Variants in UBAP2 observed in about 807,000 individuals in gnomAD.
The protein encoded by UBAP2 is ubiquitin associated protein 2, also known as ubiquitin-associated protein 2.
UBAP2 carries 75 observed loss-of-function variants against 139.6 expected under a neutral mutation model. The ratio of observed to expected loss-of-function variants is 0.54; its 90% confidence interval spans 0.45 to 0.65. The LOEUF is 0.65. UBAP2 is among the 30% of genes least tolerant of loss of function. The probability of loss-of-function intolerance (pLI) is 0.00; values close to 1 mark genes in which losing one functional copy is unlikely to be tolerated. For synonymous variants in UBAP2, 526 were observed against 526.2 expected (o/e 1.00, Z 0.01); for missense variants, 1,368 against 1,369.6 (o/e 1.00, Z 0.02).
chr9:33,976,323 T>C (rs1828342029), intron 6 of UBAP2, among the ~76,000 whole-genome samples: 1 of 152,240 alleles, frequency 6.6e-6, no homozygotes, highest in South Asian at 2.1e-4. Flanking sequence ...AGGAATGAAG[T>C]ACTGATACAT....
chr9:33,924,162 C>G, intron 23 of UBAP2, 44 bp downstream of exon 23: 1 of 1,609,542 alleles, frequency 6.2e-7, no homozygotes, highest in Non-Finnish European at 8.5e-7. Context: ...GGAGTTCGCG[C>G]TAGGCCGGCC....
At chr9:33,940,806 T>C (rs1002699786) in intron 16 of UBAP2, among the ~76,000 whole-genome samples, 2 of 152,280 alleles carry the variant, frequency 1.3e-5, no homozygotes, top group Non-Finnish European at 2.9e-5. Flanking sequence ...ATCCACAGAA[T>C]TGCTCACACT....
At chr9:33,958,879 T>C (rs1285649652) in intron 10 of UBAP2, among the ~76,000 whole-genome samples, 4 of 151,668 alleles carry the variant, frequency 2.6e-5, no homozygotes, top group Admixed American at 2.0e-4. Context: ...CCGGGCGCAG[T>C]GGCTCATGCC....
At chr9:33,926,490 G>T in intron 22 of UBAP2, 127 bp downstream of exon 22, 1 of 1,003,000 alleles carries the variant, frequency 1.0e-6, no homozygotes, top group Non-Finnish European at 1.6e-6. Context: ...TTTCTCAGTA[G>T]TGGTGCTGAG....
At chr9:34,007,881 T>C (rs943770277) in intron 2 of UBAP2, among the ~76,000 whole-genome samples, 20 of 152,208 alleles carry the variant, frequency 1.3e-4, no homozygotes, top group African/African-American at 4.8e-4. Context: ...GACCTCATGA[T>C]CTGCCCGCCT....
At chr9:34,015,467 C>A (rs1052168862) in intron 2 of UBAP2, among the ~76,000 whole-genome samples, 3 of 147,378 alleles carry the variant, frequency 2.0e-5, no homozygotes, top group Non-Finnish European at 4.5e-5. Context: ...TTACAGGCAC[C>A]CACTACCATG....
At chr9:34,003,830 G>C (rs1822943137) in intron 2 of UBAP2, among the ~76,000 whole-genome samples, 1 of 152,068 alleles carries the variant, frequency 6.6e-6, no homozygotes, top group African/African-American at 2.4e-5. Flanking sequence ...AGCAATTCTA[G>C]TGTCTCAGCC....
At chr9:33,986,889 C>T (rs376296845) in intron 5 of UBAP2, 52 bp from the exon 6 acceptor site, 45 of 1,488,818 alleles carry the variant, frequency 3.0e-5, no homozygotes, top group Non-Finnish European at 4.1e-5. Context: ...ACCTCTTGTA[C>T]ATAACCTTAT....
At chr9:34,048,485 G>A (rs947063564) in intron 1 of UBAP2, among the ~76,000 whole-genome samples, 1 of 152,220 alleles carries the variant, frequency 6.6e-6, no homozygotes, top group Non-Finnish European at 1.5e-5. Context: ...TCTACTGGCA[G>A]GCACCGAGGT....
At chr9:34,037,133 G>A (rs1182217566) in intron 1 of UBAP2, among the ~76,000 whole-genome samples, 5 of 151,924 alleles carry the variant, frequency 3.3e-5, no homozygotes, top group Admixed American at 6.6e-5. Context: ...AGATTACAGA[G>A]GCGTGCCACC....
intron 12 of UBAP2, chr9:33,952,809 C>A (rs904225053): frequency 3.6e-4 from 56 of 154,726 alleles, no homozygotes; most frequent in Non-Finnish European, 6.3e-4. Context: ...ATGGAATCAT[C>A]AGATATGTGC....
chr9:34,007,305 T>C (rs1435241112), intron 2 of UBAP2, among the ~76,000 whole-genome samples: 3 of 151,936 alleles, frequency 2.0e-5, no homozygotes, highest in Admixed American at 2.0e-4. Flanking sequence ...ACCAGCCCTG[T>C]GGGTAACTTG....
intron 1 of UBAP2, among the ~76,000 whole-genome samples, chr9:34,045,211 C>T (rs1827466488): frequency 6.7e-6 from 1 of 149,820 alleles, no homozygotes; most frequent in African/African-American, 2.5e-5. Context: ...CCGGGCGTGG[C>T]GGCAGGCGCC....
chr9:33,968,224 T>C (rs1445558767), intron 8 of UBAP2: 9 of 620,086 alleles, frequency 1.5e-5, no homozygotes. Context: ...TTATGAAACC[T>C]AAACCCTCCA....
chr9:34,030,721 T>A (rs768202555), intron 1 of UBAP2, among the ~76,000 whole-genome samples: 1 of 152,036 alleles, frequency 6.6e-6, no homozygotes, highest in Admixed American at 6.6e-5. Context: ...GGTCAGGTGA[T>A]CGAGACCATC....
intron 19 of UBAP2, among the ~76,000 whole-genome samples, chr9:33,929,256 C>T (rs1823753030): frequency 6.6e-6 from 1 of 152,190 alleles, no homozygotes; most frequent in African/African-American, 2.4e-5. Context: ...TTCTCCATCG[C>T]TAAGAGATGC....
Position 33,986,758 on chromosome 9 carries a change from A to G in UBAP2, c.520+2T>C. On this transcript the variant is annotated splice_donor_variant, in intron 6 of 28. Transcript: ENST00000379238. LOFTEE classifies it high-confidence loss of function. ...ATTTTCTTCCCTCTTACTCTAGCTT[A>G]CCTCTACCCCGGGCTCGCTTGCCAC... The G allele has an allele frequency of 6.2e-7, 1 of 1,613,662 alleles. No homozygotes were observed. The highest frequency in any genetic ancestry group is 8.5e-7 in the Non-Finnish European group (1 of 1,179,738).
chr9:33,983,041 C>A lies in UBAP2; in HGVS notation c.520+3719G>T, dbSNP rs148965519. On this transcript the variant is annotated intron_variant, in intron 6 of 28. Transcript: ENST00000379238. The stretch of plus-strand genomic sequence containing the variant: ...TACAGGCACATGCCACCATACCCAG[C>A]TAATTTTTTTGTATTTTGAGTAGAG... 2.2e-4 allele frequency among the ~76,000 whole-genome samples: 34 copies of A among 152,090 alleles called. 1 individual carries two copies. The East Asian group carries it at 6.6e-3, about 29-fold the overall frequency.
chr9:33,964,235 C>T (rs555801677), intron 8 of UBAP2, among the ~76,000 whole-genome samples: 1 of 152,118 alleles, frequency 6.6e-6, no homozygotes, highest in South Asian at 2.1e-4. Context: ...GTCCTGGACT[C>T]ATAACTCTCT....
Sources: gnomAD v4.1 joint callset for allele counts (sites outside exome capture counted in the v4.1 genomes callset) on GRCh38, gnomAD v4.1.1 for gene constraint, MANE v1.5 for transcripts, NCBI Gene and HGNC (gene_info 2026-07-23, HGNC 2026-07-21) for gene names.